CERS4: variants seen among roughly 807,000 people sequenced by gnomAD.
The protein encoded by CERS4 is ceramide synthase 4.
A neutral mutation model predicts 51.8 loss-of-function variants in CERS4; 65 were observed. That is an observed-to-expected ratio of 1.26 (90% CI 1.03 to 1.54). The LOEUF (loss-of-function observed/expected upper bound fraction) is 1.54, where lower values mean the gene tolerates loss of function less well. CERS4 is among the 40% of genes most tolerant of loss of function. CERS4 has a pLI of 0.00. For missense variants in CERS4, 563 were observed against 500.4 expected, an observed-to-expected ratio of 1.13 and a Z score of -1.19; for synonymous variants, 228 against 208.4, an observed-to-expected ratio of 1.09 and a Z score of -0.81.
intron 2 of CERS4, among the ~76,000 whole-genome samples, chr19:8,225,959 G>A (rs955437159): frequency 4.6e-5 from 7 of 151,986 alleles, no homozygotes; most frequent in Non-Finnish European, 8.8e-5. Context: ...ACTTTGGGAG[G>A]CCAAGGCGGG....
chr19:8,235,486 A>T (rs1420880890), intron 2 of CERS4, among the ~76,000 whole-genome samples: 3 of 150,848 alleles, frequency 2.0e-5, no homozygotes. Context: ...AATGCCTATA[A>T]TCCCAGCACT....
intron 2 of CERS4, among the ~76,000 whole-genome samples, chr19:8,230,620 G>A (rs1179627047): frequency 1.3e-5 from 2 of 152,232 alleles, no homozygotes; most frequent in Non-Finnish European, 2.9e-5. Flanking sequence ...GTAGTATTCA[G>A]TACATTCAAA....
chr19:8,221,879 T>TTTTG (rs1967566592), intron 2 of CERS4, among the ~76,000 whole-genome samples: 1 of 92,232 alleles, frequency 1.1e-5, no homozygotes, highest in South Asian at 4.0e-4. Context: ...TATGTTTTTT[T>TTTTG]TTTTTTTTTT....
intron 2 of CERS4, among the ~76,000 whole-genome samples, chr19:8,217,543 T>TG (rs956298742): frequency 2.7e-5 from 4 of 150,678 alleles, no homozygotes; most frequent in African/African-American, 9.8e-5. Flanking sequence ...TAATGTTTTT[T>TG]TTTTTTTTTT....
intron 2 of CERS4, among the ~76,000 whole-genome samples, chr19:8,235,966 C>T (rs923231753): frequency 1.2e-4 from 18 of 151,994 alleles, no homozygotes; most frequent in Admixed American, 3.9e-4. Context: ...GAAGCCGAGG[C>T]GGGCAGATCA....
Position 8,259,560 on chromosome 19 carries a change from G to A in CERS4, c.848+1575G>A, listed in dbSNP as rs188739838. 1.9e-3 allele frequency among the ~76,000 whole-genome samples: 289 copies of A among 152,236 alleles called. 1 individual carries two copies. Among genetic ancestry groups the A allele is most frequent in the African/African-American group, 6.6e-3 (275 of 41,550 alleles). On this transcript the variant is annotated intron_variant, in intron 10 of 11. Transcript: ENST00000251363. ...GGCAGCTGCAGGGGAAACATCATGG[G>A]AAGTGTGGGCAGGAGTGAGGGGACC...
intron 10 of CERS4, among the ~76,000 whole-genome samples, chr19:8,259,227 T>C (rs942760256): frequency 1.3e-5 from 2 of 152,166 alleles, no homozygotes; most frequent in Non-Finnish European, 2.9e-5. Flanking sequence ...GCAGCGTTTG[T>C]ACCGAGAGAT....
chr19:8,222,802 C>G (rs747452762), intron 2 of CERS4, among the ~76,000 whole-genome samples: 1 of 151,866 alleles, frequency 6.6e-6, no homozygotes, highest in African/African-American at 2.4e-5. Context: ...CTGGCCAGCA[C>G]GAGCCTTTTG....
intron 2 of CERS4, among the ~76,000 whole-genome samples, chr19:8,237,819 C>G (rs1008247521): frequency 6.6e-6 from 1 of 152,136 alleles, no homozygotes; most frequent in Non-Finnish European, 1.5e-5. Flanking sequence ...CCACTGCACA[C>G]CAGCCTGGGC....
chr19:8,246,875 T>C (rs952930612), intron 2 of CERS4, among the ~76,000 whole-genome samples: 3 of 151,898 alleles, frequency 2.0e-5, no homozygotes, highest in South Asian at 2.1e-4. Flanking sequence ...TTATAAAACA[T>C]TGGGGGAAGG....
In CERS4 at chr19:8,220,010, G is replaced by A. The variant is rs547010185; in HGVS notation, c.-2+9148G>A. On this transcript the variant is annotated intron_variant, in intron 2 of 11. Coordinates refer to ENST00000251363, the MANE Select transcript of CERS4 (RefSeq NM_024552.3). Reference sequence around the variant, plus strand: ...CTTAAAAAAAAAAAATTTGTTAAGTGGATACATACCTGGGGACCCTGGAGC... The same window carrying A: ...CTTAAAAAAAAAAAATTTGTTAAGTAGATACATACCTGGGGACCCTGGAGC... Among the ~76,000 whole-genome samples, 25 of 151,894 alleles carry A rather than the reference G, an allele frequency of 1.6e-4. 1 individual carries two copies. The South Asian group carries it at 5.0e-3, about 31-fold the overall frequency.
rs574589717 is a variant in CERS4, at chr19:8,223,040, A to G, written c.-2+12178A>G. 2.6e-5 allele frequency among the ~76,000 whole-genome samples: 4 copies of G among 152,226 alleles called. No homozygotes were observed. In the South Asian group the frequency reaches 6.2e-4, roughly 24 times the overall value. ...CCTAATCACCAGGATATGGGGGAAGATAGTTGTCCCTGGCTGGGTGCAGTG... is the reference window on the plus strand; with the variant it reads ...CCTAATCACCAGGATATGGGGGAAGGTAGTTGTCCCTGGCTGGGTGCAGTG... On this transcript the variant is annotated intron_variant, in intron 2 of 11. Coordinates refer to ENST00000251363, the MANE Select transcript of CERS4 (RefSeq NM_024552.3).
At chr19:8,222,686 C>T (rs1392092838) in intron 2 of CERS4, among the ~76,000 whole-genome samples, 3 of 151,460 alleles carry the variant, frequency 2.0e-5, no homozygotes, top group Admixed American at 6.6e-5. Context: ...TTGGTAGAGA[C>T]GGGGTTTCTC....
intron 2 of CERS4, among the ~76,000 whole-genome samples, chr19:8,227,171 G>A (rs1048026818): frequency 1.3e-5 from 2 of 151,972 alleles, no homozygotes; most frequent in Non-Finnish European, 1.5e-5. Flanking sequence ...TGGGGGTAGA[G>A]GGCTCATTCC....
intron 2 of CERS4, among the ~76,000 whole-genome samples, chr19:8,213,314 CTCTT>C (rs1369655989): frequency 6.6e-6 from 1 of 152,024 alleles, no homozygotes; most frequent in African/African-American, 2.4e-5. Context: ...TGCACTCGGC[CTCTT>C]TCTTTCTTTC....
At chr19:8,255,378 C>T (rs143430008) in intron 4 of CERS4, among the ~76,000 whole-genome samples, 22 of 152,270 alleles carry the variant, frequency 1.4e-4, no homozygotes, top group African/African-American at 4.6e-4. Context: ...ATCCCATCCC[C>T]GTCAGCGACC....
At chr19:8,245,049 T>C (rs1463417374) in intron 2 of CERS4, among the ~76,000 whole-genome samples, 1 of 147,488 alleles carries the variant, frequency 6.8e-6, no homozygotes, top group Non-Finnish European at 1.5e-5. Flanking sequence ...GAGGCTGAGC[T>C]TGCAGTGAGC....
intron 8 of CERS4, 94 bp downstream of exon 8, chr19:8,256,804 T>G: frequency 6.4e-7 from 1 of 1,566,240 alleles, no homozygotes; most frequent in Non-Finnish European, 8.7e-7. Flanking sequence ...CCTTGAGAGC[T>G]CCCTGGTGCC....
At chr19:8,251,374 C>T in intron 3 of CERS4, 125 bp downstream of exon 3, 1 of 1,422,090 alleles carries the variant, frequency 7.0e-7, no homozygotes, top group East Asian at 2.7e-5. Context: ...AAAGCGCGTT[C>T]CCTGGCTCCA....
Sources: gnomAD v4.1 joint callset for allele counts (sites outside exome capture counted in the v4.1 genomes callset) on GRCh38, gnomAD v4.1.1 for gene constraint, MANE v1.5 for transcripts, NCBI Gene and HGNC (gene_info 2026-07-23, HGNC 2026-07-21) for gene names.